KCNMB4: variants seen among roughly 807,000 people sequenced by gnomAD.
KCNMB4 encodes calcium-activated potassium channel subunit beta-4.
KCNMB4 carries 3 observed loss-of-function variants against 20.7 expected under a neutral mutation model. The ratio of observed to expected loss-of-function variants is 0.14; its 90% confidence interval spans 0.07 to 0.37. The LOEUF (loss-of-function observed/expected upper bound fraction) is 0.37. Among genes scored for constraint, KCNMB4 ranks in the 10% least tolerant of loss-of-function variants. The pLI is 1.00. For synonymous variants in KCNMB4, 110 were observed against 113.4 expected (o/e 0.97, Z 0.19); for missense variants, 168 against 265.9 (o/e 0.63, Z 2.56).
At chr12:70,392,242 C>T (rs1026545157) in intron 1 of KCNMB4, among the ~76,000 whole-genome samples, 2 of 152,160 alleles carry the variant, frequency 1.3e-5, no homozygotes, top group Non-Finnish European at 2.9e-5. Flanking sequence ...TGACCATCTC[C>T]ATTAGAGAAA....
chr12:70,398,651 A>T (rs966474051), intron 1 of KCNMB4, among the ~76,000 whole-genome samples: 1 of 152,242 alleles, frequency 6.6e-6, no homozygotes, highest in Non-Finnish European at 1.5e-5. Flanking sequence ...AAGTTTAAAC[A>T]CTGTGAAAAT....
In KCNMB4 at chr12:70,432,519, C is replaced by A. The variant is rs1869396826; in HGVS notation, c.*1866C>A. 10 of 152,132 alleles carry A rather than the reference C, an allele frequency of 6.6e-5. No homozygotes were observed. Among genetic ancestry groups the A allele is most frequent in the Admixed American group, 6.6e-4 (10 of 15,262 alleles). 9.4% of individuals were successfully genotyped at this position (152,132 alleles called of 1,614,324 possible). On this transcript the variant is annotated 3_prime_UTR_variant, in exon 3 of 3. Coordinates refer to ENST00000258111, the MANE Select transcript of KCNMB4 (RefSeq NM_014505.6). ...TCAAGCTCCTGGGCTCAAGCGATCC[C>A]CCTCCCTCAGCCTCCCAAGTATCTG... is the stretch of plus-strand genomic sequence containing the variant.
chr12:70,393,306 G>A (rs373178648), intron 1 of KCNMB4, among the ~76,000 whole-genome samples: 7 of 151,982 alleles, frequency 4.6e-5, no homozygotes, highest in East Asian at 1.9e-4. Context: ...GGGTTCAAGC[G>A]ATTCTCCTGC....
chr12:70,377,747 G>GTAA (rs1301167345), intron 1 of KCNMB4, among the ~76,000 whole-genome samples: 5 of 152,086 alleles, frequency 3.3e-5, no homozygotes, highest in African/African-American at 1.2e-4. Context: ...CTCAGTTTAG[G>GTAA]TAATATCTAG....
intron 1 of KCNMB4, among the ~76,000 whole-genome samples, chr12:70,369,883 G>A (rs1198101678): frequency 6.6e-6 from 1 of 152,144 alleles, no homozygotes; most frequent in Non-Finnish European, 1.5e-5. Context: ...TGTCCACAGG[G>A]AGATTATCTC....
At chr12:70,381,796 GTGA>G (rs546310446) in intron 1 of KCNMB4, among the ~76,000 whole-genome samples, 27 of 152,298 alleles carry the variant, frequency 1.8e-4, no homozygotes, top group African/African-American at 6.3e-4. Flanking sequence ...AAAATTGATT[GTGA>G]TGATTGTTGC....
At chr12:70,374,487 G>A (rs1883652373) in intron 1 of KCNMB4, among the ~76,000 whole-genome samples, 1 of 152,056 alleles carries the variant, frequency 6.6e-6, no homozygotes, top group Non-Finnish European at 1.5e-5. Context: ...CTCATGCTGA[G>A]CCTTAGGTAT....
At chr12:70,401,599 A>G (rs1297310293) in intron 2 of KCNMB4, among the ~76,000 whole-genome samples, 4 of 150,768 alleles carry the variant, frequency 2.7e-5, no homozygotes, top group African/African-American at 4.9e-5. Context: ...TGCATAACAA[A>G]CCACCCTAAA....
chr12:70,407,906 C>T (rs1381084352), intron 2 of KCNMB4, among the ~76,000 whole-genome samples: 3 of 152,196 alleles, frequency 2.0e-5, no homozygotes, highest in African/African-American at 7.2e-5. Flanking sequence ...GAAGATTCTC[C>T]TCTCACCCCG....
intron 1 of KCNMB4, among the ~76,000 whole-genome samples, chr12:70,381,193 AT>A (rs1883779735): frequency 6.6e-6 from 1 of 152,220 alleles, no homozygotes; most frequent in Non-Finnish European, 1.5e-5. Context: ...CAAAACCCCA[AT>A]GAAATACCAC....
chr12:70,382,427 C>T (rs2117052), intron 1 of KCNMB4, among the ~76,000 whole-genome samples: 59,214 of 130,362 alleles, frequency 0.45, 14,613 homozygotes, highest in African/African-American at 0.68. Context: ...AACGAGACTC[C>T]GTCTCAAAAA....
chr12:70,378,096 T>C (rs1179028572), intron 1 of KCNMB4, among the ~76,000 whole-genome samples: 1 of 151,902 alleles, frequency 6.6e-6, no homozygotes, highest in Non-Finnish European at 1.5e-5. Context: ...ATTACAGGCA[T>C]GCACCACCAC....
At chr12:70,383,593 T>A (rs150010638) in intron 1 of KCNMB4, among the ~76,000 whole-genome samples, 1 of 152,168 alleles carries the variant, frequency 6.6e-6, no homozygotes, top group African/African-American at 2.4e-5. Context: ...ATCAAACAGG[T>A]CCATGCTCCC....
intron 1 of KCNMB4, among the ~76,000 whole-genome samples, chr12:70,388,364 G>T (rs935502968): frequency 1.3e-5 from 2 of 151,878 alleles, no homozygotes; most frequent in Non-Finnish European, 2.9e-5. Flanking sequence ...TGCTGAATCG[G>T]ATGGTAGCTA....
rs868383438 is a variant in KCNMB4 at position 70,434,247 on chromosome 12, T to A, written c.*3594T>A. On this transcript the variant is annotated 3_prime_UTR_variant, in exon 3 of 3. Transcript: ENST00000258111. ...GACCCTCCTGGGAGCCTGCCCTATC[T>A]CCCTGGAAAGTCTCAGTATGTGAGT... 1 of 152,252 alleles carries A rather than the reference T, an allele frequency of 6.6e-6. No homozygotes were observed. 9.4% of individuals were successfully genotyped at this position (152,252 alleles called of 1,614,324 possible). A position where few individuals can be genotyped will look rare whatever the true frequency, so the allele number is the denominator to read the frequency against.
chr12:70,398,106 C>G (rs536193939), intron 1 of KCNMB4, among the ~76,000 whole-genome samples: 1 of 152,196 alleles, frequency 6.6e-6, no homozygotes, highest in Non-Finnish European at 1.5e-5. Flanking sequence ...AAAGTGCTGG[C>G]CCCTAAGGAA....
chr12:70,404,004 A>T (rs1868527758), intron 2 of KCNMB4, among the ~76,000 whole-genome samples: 1 of 152,274 alleles, frequency 6.6e-6, no homozygotes, highest in African/African-American at 2.4e-5. Context: ...AAGCATATGC[A>T]TATGCACATA....
intron 2 of KCNMB4, among the ~76,000 whole-genome samples, chr12:70,419,805 A>G (rs188678173): frequency 0.12 from 17,772 of 152,196 alleles, 1,368 homozygotes; most frequent in Middle Eastern, 0.24. Context: ...GTAAGGAGGC[A>G]CTTAGGGAGG....
chr12:70,394,618 C>G (rs148810026), intron 1 of KCNMB4, among the ~76,000 whole-genome samples: 2 of 151,882 alleles, frequency 1.3e-5, no homozygotes, highest in South Asian at 4.2e-4. Context: ...TGTGTGTGTG[C>G]GCGCCCATGC....
Sources: gnomAD v4.1 joint callset for allele counts (sites outside exome capture counted in the v4.1 genomes callset) on GRCh38, gnomAD v4.1.1 for gene constraint, MANE v1.5 for transcripts, NCBI Gene and HGNC (gene_info 2026-07-23, HGNC 2026-07-21) for gene names.